Variants in C1orf87 observed in about 807,000 individuals in gnomAD.
C1orf87 encodes uncharacterized protein C1orf87.
In C1orf87, 58 loss-of-function variants were observed where a neutral mutation model predicts 60.5. The observed-to-expected ratio is 0.96, with a 90% CI of 0.78 to 1.19. C1orf87 has a LOEUF of 1.19. Ranked by LOEUF, C1orf87 falls within the 50% of genes most tolerant of loss-of-function variation. C1orf87 has a pLI of 0.00. For missense variants in C1orf87, 673 were observed against 638.6 expected (o/e 1.05, Z -0.58); for synonymous variants, 236 against 227.4 (o/e 1.04, Z -0.34).
chr1:59,990,589 A>C lies in C1orf87; in HGVS notation c.*84T>G, dbSNP rs906046604. 1 of 1,515,652 alleles carries C rather than the reference A, an allele frequency of 6.6e-7. No individual in the cohort carries two copies. The highest frequency in any genetic ancestry group is 1.4e-5 in the African/African-American group (1 of 72,496). The allele number at this position is 1,515,652 out of a possible 1,614,324, so 93.9% of individuals were successfully genotyped here. On this transcript the variant is annotated 3_prime_UTR_variant, in exon 12 of 12. Coordinates refer to ENST00000371201, the MANE Select transcript of C1orf87 (RefSeq NM_152377.3). ...CCTCCACTCTGACAATGCCTCCGCC[A>C]CTACACTTAGGCTGGGGAGAAACAT...
intron 6 of C1orf87, among the ~76,000 whole-genome samples, chr1:60,036,652 G>C (rs140616726): frequency 2.6e-5 from 4 of 152,238 alleles, no homozygotes; most frequent in African/African-American, 9.6e-5. Flanking sequence ...AGGTCACATA[G>C]CCCCAGAGTG....
chr1:60,045,113 C>A (rs2100303518), intron 3 of C1orf87, among the ~76,000 whole-genome samples: 1 of 152,264 alleles, frequency 6.6e-6, no homozygotes, highest in East Asian at 1.9e-4. Flanking sequence ...TAACATTATG[C>A]AATGGATAGC....
At chr1:60,011,650 G>A (rs17119990) in intron 8 of C1orf87, among the ~76,000 whole-genome samples, 21,783 of 152,066 alleles carry the variant, frequency 0.14, 1,679 homozygotes, top group Admixed American at 0.2. Flanking sequence ...ATCAGAAGAC[G>A]TCAAGTGAAA....
intron 8 of C1orf87, among the ~76,000 whole-genome samples, chr1:60,020,900 C>A (rs1370299672): frequency 6.6e-6 from 1 of 152,096 alleles, no homozygotes; most frequent in Non-Finnish European, 1.5e-5. Context: ...AATCTCATGT[C>A]AAATTGTAAT....
chr1:60,036,320 C>T (rs1645276973), intron 6 of C1orf87, among the ~76,000 whole-genome samples: 1 of 152,164 alleles, frequency 6.6e-6, no homozygotes, highest in African/African-American at 2.4e-5. Flanking sequence ...TCAAGTCCAA[C>T]TGTTGGCCCA....
At chr1:59,994,528 A>G (rs969518859) in intron 11 of C1orf87, among the ~76,000 whole-genome samples, 1 of 152,170 alleles carries the variant, frequency 6.6e-6, no homozygotes, top group Non-Finnish European at 1.5e-5. Flanking sequence ...CTCTCATTGC[A>G]TTCTCCCTCC....
In C1orf87 at chr1:60,063,732, G is replaced by A. The variant is rs543478233; in HGVS notation, c.108-8294C>T. Among the ~76,000 whole-genome samples, 3 of 152,214 alleles carry A rather than the reference G, an allele frequency of 2.0e-5. No individual in the cohort carries two copies. The East Asian group carries it at 5.8e-4, about 29-fold the overall frequency. Reference sequence around the variant, plus strand: ...TCTGTGGAGTCACTAGGATGGAGGCGAGTACCTGTGGTATCACTTGGTGCA... The same window carrying A: ...TCTGTGGAGTCACTAGGATGGAGGCAAGTACCTGTGGTATCACTTGGTGCA... On this transcript the variant is annotated intron_variant, in intron 2 of 11. Transcript: ENST00000371201.
At chr1:60,017,695 C>T (rs749453077) in intron 8 of C1orf87, among the ~76,000 whole-genome samples, 7 of 152,126 alleles carry the variant, frequency 4.6e-5, no homozygotes, top group South Asian at 2.1e-4. Context: ...GCCAAGAACA[C>T]GGATAATAAT....
At chr1:60,005,198 A>G (rs1295520437) in intron 9 of C1orf87, among the ~76,000 whole-genome samples, 5 of 152,102 alleles carry the variant, frequency 3.3e-5, no homozygotes, top group Admixed American at 3.3e-4. Context: ...TGAGGTAGAA[A>G]TCATCCCCAT....
chr1:60,045,369 T>G (rs1470336269), intron 3 of C1orf87, among the ~76,000 whole-genome samples: 2 of 152,242 alleles, frequency 1.3e-5, no homozygotes, highest in African/African-American at 4.8e-5. Context: ...TAATATGTGA[T>G]TTTAAATGTG....
At chr1:60,054,962 T>C (rs954243803) in intron 3 of C1orf87, among the ~76,000 whole-genome samples, 5 of 152,180 alleles carry the variant, frequency 3.3e-5, no homozygotes, top group South Asian at 4.1e-4. Flanking sequence ...ACCAACTCCA[T>C]TGGTTGTCAT....
At chr1:60,018,430 A>G (rs551884211) in intron 8 of C1orf87, among the ~76,000 whole-genome samples, 14 of 152,332 alleles carry the variant, frequency 9.2e-5, no homozygotes, top group African/African-American at 3.4e-4. Context: ...GAGAGTGTTG[A>G]TAGGATAGTA....
intron 2 of C1orf87, among the ~76,000 whole-genome samples, chr1:60,065,841 T>C (rs1326357266): frequency 6.6e-6 from 1 of 152,088 alleles, no homozygotes; most frequent in African/African-American, 2.4e-5. Context: ...GGTATAAATA[T>C]CAATGCAAAT....
At chr1:60,014,296 T>G (rs1453830392) in intron 8 of C1orf87, among the ~76,000 whole-genome samples, 8 of 152,114 alleles carry the variant, frequency 5.3e-5, no homozygotes, top group South Asian at 2.1e-4. Context: ...AGGGATAGAG[T>G]ATTTTCTGTT....
rs1644916698 is a variant in C1orf87 at position 59,990,838 on chromosome 1, G to C, written c.1481-5C>G. 1.2e-6 allele frequency: 2 copies of C among 1,613,632 alleles called. No homozygotes were observed. The highest frequency in any genetic ancestry group is 2.2e-5 in the South Asian group (2 of 91,022). ...CTCGTTCCTTCTCCAGAACTCCTGT[G>C]ATTGGATTGGGTAGGAGGAAGGTTT... On this transcript the variant is annotated splice_polypyrimidine_tract_variant and splice_region_variant and intron_variant, in intron 11 of 11. Transcript: ENST00000371201.
At chr1:60,011,905 A>G (rs976919513) in intron 8 of C1orf87, among the ~76,000 whole-genome samples, 5 of 152,136 alleles carry the variant, frequency 3.3e-5, no homozygotes, top group Admixed American at 2.0e-4. Flanking sequence ...GCACATGATT[A>G]GACAGATAAG....
chr1:59,997,566 C>T (rs370229014), intron 11 of C1orf87, 43 bp downstream of exon 11: 2 of 1,597,848 alleles, frequency 1.3e-6, no homozygotes, highest in African/African-American at 2.7e-5. Flanking sequence ...TTAGACTAGA[C>T]CACAAATAGA....
chr1:60,003,739 C>T (rs1645023768), intron 9 of C1orf87, among the ~76,000 whole-genome samples: 2 of 152,048 alleles, frequency 1.3e-5, no homozygotes, highest in Admixed American at 6.6e-5. Flanking sequence ...GAATTAAATA[C>T]TCAATGAATA....
intron 8 of C1orf87, among the ~76,000 whole-genome samples, chr1:60,022,969 C>A (rs757691362): frequency 6.6e-6 from 1 of 152,088 alleles, no homozygotes; most frequent in South Asian, 2.1e-4. Flanking sequence ...CTACTCAGAA[C>A]GGTGCACGAC....
Sources: gnomAD v4.1 joint callset for allele counts (sites outside exome capture counted in the v4.1 genomes callset) on GRCh38, gnomAD v4.1.1 for gene constraint, MANE v1.5 for transcripts, NCBI Gene and HGNC (gene_info 2026-07-23, HGNC 2026-07-21) for gene names.